Variants in SORCS1 observed in about 807,000 individuals in gnomAD.
SORCS1 encodes sortilin related VPS10 domain containing receptor 1.
SORCS1 carries 60 observed loss-of-function variants against 146.1 expected under a neutral mutation model. The observed-to-expected ratio is 0.41, with a 90% confidence interval of 0.33 to 0.51. The LOEUF (loss-of-function observed/expected upper bound fraction) is 0.51. SORCS1 is among the 20% of genes least tolerant of loss of function. The pLI, the probability that SORCS1 is intolerant of heterozygous loss-of-function variation, is 0.21. For missense variants in SORCS1, 1,352 were observed against 1,487.6 expected, an observed-to-expected ratio of 0.91 and a Z score of 1.50; for synonymous variants, 637 against 584.0, an observed-to-expected ratio of 1.09 and a Z score of -1.31.
At chr10:107,021,454 C>T in intron 1 of SORCS1, among the ~76,000 whole-genome samples, 1 of 127,170 alleles carries the variant, frequency 7.9e-6, no homozygotes, top group Non-Finnish European at 1.6e-5. Context: ...GCAGAACTTG[C>T]AGTGAGCCGA....
chr10:106,743,484 G>A (rs1857501243), intron 5 of SORCS1, among the ~76,000 whole-genome samples: 1 of 152,112 alleles, frequency 6.6e-6, no homozygotes, highest in Non-Finnish European at 1.5e-5. Context: ...CAGAGCAATG[G>A]TGCGATCTCA....
intron 2 of SORCS1, among the ~76,000 whole-genome samples, chr10:106,895,098 T>A (rs1209742792): frequency 6.6e-6 from 1 of 152,192 alleles, no homozygotes; most frequent in Non-Finnish European, 1.5e-5. Flanking sequence ...ATCTGTCAGA[T>A]GAGTGCTAAG....
At chr10:107,108,084 C>G (rs987792137) in intron 1 of SORCS1, among the ~76,000 whole-genome samples, 1 of 152,260 alleles carries the variant, frequency 6.6e-6, no homozygotes, top group African/African-American at 2.4e-5. Context: ...TGAAATGGCA[C>G]TAAAACTCAG....
intron 19 of SORCS1, among the ~76,000 whole-genome samples, chr10:106,623,524 G>A (rs771905954): frequency 6.6e-6 from 1 of 151,994 alleles, no homozygotes; most frequent in Non-Finnish European, 1.5e-5. Flanking sequence ...GATTACAGGC[G>A]TGAGCCACCA....
intron 1 of SORCS1, among the ~76,000 whole-genome samples, chr10:107,124,322 A>T (rs1482053929): frequency 6.6e-6 from 1 of 152,166 alleles, no homozygotes; most frequent in East Asian, 1.9e-4. Flanking sequence ...TCTGCCTGCA[A>T]TTGAGACAAG....
At chr10:106,919,686 A>C (rs997923667) in intron 2 of SORCS1, among the ~76,000 whole-genome samples, 17 of 152,260 alleles carry the variant, frequency 1.1e-4, no homozygotes, top group Admixed American at 5.2e-4. Context: ...AGCATTGGAT[A>C]GGTTTTTAGT....
chr10:106,797,057 G>A (rs531605909), intron 3 of SORCS1, among the ~76,000 whole-genome samples: 1 of 151,900 alleles, frequency 6.6e-6, no homozygotes, highest in Non-Finnish European at 1.5e-5. Context: ...CAGTAAGCCG[G>A]GATCACGCCA....
At chr10:106,735,260 G>A (rs938101378) in intron 5 of SORCS1, among the ~76,000 whole-genome samples, 1 of 151,966 alleles carries the variant, frequency 6.6e-6, no homozygotes, top group Non-Finnish European at 1.5e-5. Flanking sequence ...ATGGCTCAGA[G>A]ATCAATTATA....
intron 10 of SORCS1, among the ~76,000 whole-genome samples, chr10:106,685,887 A>G (rs1012256837): frequency 2.6e-5 from 4 of 152,244 alleles, no homozygotes; most frequent in Non-Finnish European, 5.9e-5. Context: ...TTTAAAAAAC[A>G]GCAATCTGAT....
chr10:106,683,136 G>A (rs553318058), intron 10 of SORCS1, among the ~76,000 whole-genome samples: 7 of 152,176 alleles, frequency 4.6e-5, no homozygotes, highest in Non-Finnish European at 1.0e-4. Context: ...TGCAAACCCC[G>A]AAACCCATAA....
intron 1 of SORCS1, among the ~76,000 whole-genome samples, chr10:107,099,159 A>G: frequency 6.6e-6 from 1 of 152,240 alleles, no homozygotes; most frequent in Non-Finnish European, 1.5e-5. Flanking sequence ...TGAGAGTAGT[A>G]AAGTTGGGTT....
intron 6 of SORCS1, among the ~76,000 whole-genome samples, chr10:106,713,313 T>G (rs1056654443): frequency 6.6e-6 from 1 of 152,206 alleles, no homozygotes; most frequent in Non-Finnish European, 1.5e-5. Flanking sequence ...AGAGTTTGAT[T>G]AGGAGGTCTT....
chr10:107,126,079 T>A lies in SORCS1; in HGVS notation c.558+37890A>T, dbSNP rs565620740. 3.3e-5 allele frequency among the ~76,000 whole-genome samples: 5 copies of A among 152,306 alleles called. No homozygotes were observed. In the East Asian group the frequency reaches 9.7e-4, roughly 29 times the overall value. Reference sequence around the variant, plus strand: ...TTTATCTCTGCTTGACTTTATTACCTCCTGTTTGACCTTGGCCCTTTTCTT... The same window carrying A: ...TTTATCTCTGCTTGACTTTATTACCACCTGTTTGACCTTGGCCCTTTTCTT... On this transcript the variant is annotated intron_variant, in intron 1 of 25. Coordinates refer to ENST00000263054, the MANE Select transcript of SORCS1 (RefSeq NM_052918.5).
chr10:107,032,165 T>C (rs764752874), intron 1 of SORCS1, among the ~76,000 whole-genome samples: 1 of 152,132 alleles, frequency 6.6e-6, no homozygotes, highest in Non-Finnish European at 1.5e-5. Context: ...GCATTCCATA[T>C]ATATAAATAA....
At chr10:107,004,414 C>A (rs139034318) in intron 1 of SORCS1, among the ~76,000 whole-genome samples, 7 of 152,102 alleles carry the variant, frequency 4.6e-5, no homozygotes, top group Non-Finnish European at 8.8e-5. Context: ...GGAGGCCTAG[C>A]AATCATGGTG....
At chr10:107,062,365 G>T (rs1961306475) in intron 1 of SORCS1, among the ~76,000 whole-genome samples, 1 of 151,902 alleles carries the variant, frequency 6.6e-6, no homozygotes, top group African/African-American at 2.4e-5. Flanking sequence ...ACATGGCAGA[G>T]GAATGAGGTG....
chr10:106,786,873 T>C (rs184003723), intron 3 of SORCS1, among the ~76,000 whole-genome samples: 50 of 152,306 alleles, frequency 3.3e-4, no homozygotes, highest in African/African-American at 4.8e-4. Flanking sequence ...AGAATTTTCA[T>C]TGGGTCTTAC....
At chr10:106,801,524 ATTTTTT>A (rs34849434) in intron 3 of SORCS1, among the ~76,000 whole-genome samples, 1 of 113,840 alleles carries the variant, frequency 8.8e-6, no homozygotes. Context: ...TAGTATAGCC[ATTTTTT>A]TTTTTTTTTT....
intron 4 of SORCS1, among the ~76,000 whole-genome samples, chr10:106,769,083 C>T (rs908192339): frequency 3.3e-5 from 5 of 152,138 alleles, no homozygotes; most frequent in Admixed American, 6.6e-5. Flanking sequence ...ATTTTGAAAG[C>T]GCTGGCATCT....
Sources: gnomAD v4.1 joint callset for allele counts (sites outside exome capture counted in the v4.1 genomes callset) on GRCh38, gnomAD v4.1.1 for gene constraint, MANE v1.5 for transcripts, NCBI Gene and HGNC (gene_info 2026-07-23, HGNC 2026-07-21) for gene names.